The following ARMH1 variants were observed in gnomAD, a reference collection of about 807,000 sequenced individuals.
ARMH1 encodes the protein armadillo like helical domain containing 1.
A neutral mutation model predicts 50.2 loss-of-function variants in ARMH1; 34 were observed. The ratio of observed to expected loss-of-function variants is 0.68; its 90% CI spans 0.51 to 0.90. The LOEUF is 0.90. Ranked by LOEUF, ARMH1 falls within the 40% of genes least tolerant of loss-of-function variation. The pLI is 0.00. For missense variants in ARMH1, 538 were observed against 553.9 expected (o/e 0.97, Z 0.29); for synonymous variants, 221 against 224.2 (o/e 0.99, Z 0.13).
chr1:44,714,510 G>A (rs1367600842), intron 6 of ARMH1, among the ~76,000 whole-genome samples: 3 of 152,026 alleles, frequency 2.0e-5, no homozygotes, highest in Non-Finnish European at 4.4e-5. Context: ...CCTTGAACCC[G>A]GGAGGCGGAG....
At chr1:44,723,983 A>C in intron 6 of ARMH1, 139 bp from the exon 7 acceptor site, 2 of 1,127,618 alleles carry the variant, frequency 1.8e-6, no homozygotes, top group Admixed American at 3.3e-5. Flanking sequence ...TCGCCTTCCC[A>C]GCTCCCCCAC....
chr1:44,701,665 A>T (rs887899134), intron 5 of ARMH1, among the ~76,000 whole-genome samples: 4 of 152,176 alleles, frequency 2.6e-5, no homozygotes, highest in African/African-American at 9.7e-5. Flanking sequence ...GCAGTGGCTC[A>T]GGCCTGTAAT....
intron 6 of ARMH1, among the ~76,000 whole-genome samples, chr1:44,706,481 G>A (rs1024972641): frequency 2.6e-5 from 4 of 152,130 alleles, no homozygotes; most frequent in Non-Finnish European, 4.4e-5. Flanking sequence ...CAGGAAGCCC[G>A]GGGAGGAGAG....
In ARMH1 at chr1:44,724,346, A is replaced by T; in HGVS notation, c.874A>T (p.Ser292Cys). 1 of 1,551,416 alleles carries T rather than the reference A, an allele frequency of 6.4e-7. No individual in the cohort carries two copies. Among genetic ancestry groups the T allele is most frequent in the Non-Finnish European group, 8.7e-7 (1 of 1,146,948 alleles). The change falls in exon 8 of 12, where the codon AGC (serine) becomes TGC (cysteine). Residue 292 changes from serine to cysteine, a missense_variant. Coordinates refer to ENST00000535358, the MANE Select transcript of ARMH1 (RefSeq NM_001145636.2). The surrounding 1 kb of genome is among the most constrained non-coding windows in gnomAD (Gnocchi z 6.4). ...CCCCTCGGTTCTCCAGCTCACCCCC[A>T]GCCTGCCGATGTTTTTGCAGCAGGC... ...SDPSVLQLTP[S>C]LPMFLQQAAA... is the part of the protein sequence containing the mutation.
intron 2 of ARMH1, among the ~76,000 whole-genome samples, chr1:44,693,226 C>T (rs1452497450): frequency 6.6e-6 from 1 of 152,192 alleles, no homozygotes; most frequent in Non-Finnish European, 1.5e-5. Flanking sequence ...AGAAACATTG[C>T]TGCCTATAAC....
chr1:44,701,192 T>C lies in ARMH1; in HGVS notation c.639+73T>C, dbSNP rs1310007379. 6 of 1,391,224 alleles carry C rather than the reference T, an allele frequency of 4.3e-6. 1 individual carries two copies. Among genetic ancestry groups the C allele is most frequent in the South Asian group, 2.9e-5 (2 of 68,150 alleles). The allele number at this position is 1,391,224 out of a possible 1,614,324, so 86.2% of individuals were successfully genotyped here. ...TCTTACAATTACCTTCCGCAGTTGC[T>C]CTCCACACAGGCATGAGAAACGGAG... On this transcript the variant is annotated intron_variant, in intron 5 of 11. Coordinates refer to ENST00000535358, the MANE Select transcript of ARMH1 (RefSeq NM_001145636.2).
At chr1:44,705,485 T>G (rs1479751750) in intron 6 of ARMH1, among the ~76,000 whole-genome samples, 1 of 151,532 alleles carries the variant, frequency 6.6e-6, no homozygotes, top group Non-Finnish European at 1.5e-5. Flanking sequence ...AGAGCAAGAT[T>G]CTGTCTCAAA....
At chr1:44,710,557 C>G (rs990083596) in intron 6 of ARMH1, among the ~76,000 whole-genome samples, 1 of 142,862 alleles carries the variant, frequency 7.0e-6, no homozygotes, top group East Asian at 2.0e-4. Flanking sequence ...TGCAGTGAGC[C>G]GAGATCATGC....
rs192103210 is a variant in ARMH1 at position 44,719,546 on chromosome 1, G to A, written c.725-4576G>A. Among the ~76,000 whole-genome samples, 22 of 152,336 alleles carry A rather than the reference G, an allele frequency of 1.4e-4. No homozygotes were observed. In the East Asian group the frequency reaches 4.2e-3, roughly 29 times the overall value. ...TGCAGCCTGCAGCACACAGGATGTGGCTGCTCCCTCTGCCTTCCCAGACCA... is the reference window on the plus strand; with the variant it reads ...TGCAGCCTGCAGCACACAGGATGTGACTGCTCCCTCTGCCTTCCCAGACCA... On this transcript the variant is annotated intron_variant, in intron 6 of 11. Coordinates refer to ENST00000535358, the MANE Select transcript of ARMH1 (RefSeq NM_001145636.2).
chr1:44,719,826 A>G (rs1416532350), intron 6 of ARMH1, among the ~76,000 whole-genome samples: 1 of 152,188 alleles, frequency 6.6e-6, no homozygotes, highest in African/African-American at 2.4e-5. Flanking sequence ...GTTGTATGAT[A>G]TGAGCATCCA....
intron 1 of ARMH1, among the ~76,000 whole-genome samples, chr1:44,680,124 T>G (rs1056220383): frequency 2.6e-5 from 4 of 152,222 alleles, no homozygotes; most frequent in Non-Finnish European, 2.9e-5. Flanking sequence ...GCAAGGTTGT[T>G]GTAATGTGGA....
At chr1:44,706,022 G>T (rs528370716) in intron 6 of ARMH1, among the ~76,000 whole-genome samples, 1 of 152,192 alleles carries the variant, frequency 6.6e-6, no homozygotes, top group Non-Finnish European at 1.5e-5. Context: ...TCTAGGAAAG[G>T]TAGGCTAGGA....
At chr1:44,680,155 G>A (rs774885746) in intron 1 of ARMH1, among the ~76,000 whole-genome samples, 1 of 151,918 alleles carries the variant, frequency 6.6e-6, no homozygotes, top group Non-Finnish European at 1.5e-5. Context: ...GATGAAGTTA[G>A]ATTGGGGCCA....
chr1:44,724,758 G>A lies in ARMH1; in HGVS notation c.1051-4G>A. ...AGTCACGCCGCCTCGCCCGCGCGGC[G>A]CAGTGCTTCGTGCAGATGTTCCCCT... is the stretch of plus-strand genomic sequence containing the variant. On this transcript the variant is annotated splice_polypyrimidine_tract_variant and splice_region_variant and intron_variant, in intron 9 of 11. Transcript: ENST00000535358. The surrounding 1 kb of genome is among the most constrained non-coding windows in gnomAD (Gnocchi z 6.4). The A allele has an allele frequency of 6.5e-7, 1 of 1,540,514 alleles. No individual in the cohort carries two copies.
intron 5 of ARMH1, 51 bp from the exon 6 acceptor site, chr1:44,704,038 T>TA: frequency 2.5e-5 from 35 of 1,425,382 alleles, no homozygotes; most frequent in East Asian, 5.0e-5. Flanking sequence ...GAATCCATCT[T>TA]TAAAAAAAAA....
At chr1:44,721,572 C>CATG (rs1367622680) in intron 6 of ARMH1, among the ~76,000 whole-genome samples, 1 of 151,664 alleles carries the variant, frequency 6.6e-6, no homozygotes, top group Non-Finnish European at 1.5e-5. Flanking sequence ...GCTAAAAAAA[C>CATG]ATGACAGTAG....
rs1647927243 is a variant in ARMH1, at chr1:44,724,456, G to A, written c.920+64G>A. ...TGGCTTGGCGCTGCCGGCGGGCCCC[G>A]GGAGCGCTCCGTGCGCCGGGTGGGC... On this transcript the variant is annotated intron_variant, in intron 8 of 11. Coordinates refer to ENST00000535358, the MANE Select transcript of ARMH1 (RefSeq NM_001145636.2). The surrounding 1 kb of genome is among the most constrained non-coding windows in gnomAD (Gnocchi z 6.4). 3 of 1,528,022 alleles carry A rather than the reference G, an allele frequency of 2.0e-6. No homozygotes were observed. The highest frequency in any genetic ancestry group is 2.6e-6 in the Non-Finnish European group (3 of 1,138,832). The allele number at this position is 1,528,022 out of a possible 1,614,324, so 94.7% of individuals were successfully genotyped here.
In ARMH1 at chr1:44,724,411, G is replaced by A. The variant is rs1325788570; in HGVS notation, c.920+19G>A. The A allele has an allele frequency of 6.5e-7, 1 of 1,546,912 alleles. No homozygotes were observed. Among genetic ancestry groups the A allele is most frequent in the African/African-American group, 1.4e-5 (1 of 73,096 alleles). ...CCATCGGGTAAGCGGGCAGGGGTTA[G>A]TGGGTAGCTGCAGCAAGCCTGGCTT... On this transcript the variant is annotated intron_variant, in intron 8 of 11. Transcript: ENST00000535358. The surrounding 1 kb of genome is among the most constrained non-coding windows in gnomAD (Gnocchi z 6.4).
intron 6 of ARMH1, among the ~76,000 whole-genome samples, chr1:44,713,619 A>G (rs1490164895): frequency 6.6e-6 from 1 of 152,248 alleles, no homozygotes; most frequent in African/African-American, 2.4e-5. Flanking sequence ...ATAAAAGTCT[A>G]TAAAACAGTC....
Sources: allele counts gnomAD v4.1 joint callset (sites outside exome capture counted in the v4.1 genomes callset), GRCh38; gene constraint gnomAD v4.1.1; non-coding constraint Gnocchi (gnomAD v3.1); transcripts MANE v1.5; gene names NCBI Gene and HGNC (gene_info 2026-07-23, HGNC 2026-07-21).